The following DPP10 variants were observed in gnomAD, a reference collection of about 807,000 sequenced individuals.
DPP10 encodes dipeptidyl peptidase like 10, also known as inactive dipeptidyl peptidase 10.
A neutral mutation model predicts 120.9 loss-of-function variants in DPP10; 33 were observed. That is an observed-to-expected ratio of 0.27 (90% CI 0.21 to 0.37). The LOEUF is 0.37. DPP10 is among the 10% of genes least tolerant of loss of function. The pLI, the probability that DPP10 is intolerant of heterozygous loss-of-function variation, is 1.00. For synonymous variants in DPP10, 337 were observed against 326.1 expected, an observed-to-expected ratio of 1.03 and a Z score of -0.36; for missense variants, 816 against 942.8, an observed-to-expected ratio of 0.87 and a Z score of 1.76.
chr2:115,596,049 T>C (rs991845974), intron 5 of DPP10, among the ~76,000 whole-genome samples: 1 of 152,188 alleles, frequency 6.6e-6, no homozygotes, highest in African/African-American at 2.4e-5. Flanking sequence ...CTGCAGATAA[T>C]GCCTTACCCT....
intron 1 of DPP10, among the ~76,000 whole-genome samples, chr2:114,667,949 A>T (rs1698054653): frequency 6.6e-6 from 1 of 152,196 alleles, no homozygotes; most frequent in African/African-American, 2.4e-5. Context: ...GTATAGACTG[A>T]TTGAATGTCC....
Position 115,402,853 on chromosome 2 carries a change from AAAT to A in DPP10, c.271+58943_271+58945del, listed in dbSNP as rs1389981640. Among the ~76,000 whole-genome samples the A allele has an allele frequency of 9.4e-4, 61 of 64,912 alleles. 1 individual carries two copies. The highest frequency in any genetic ancestry group is 2.3e-3 in the African/African-American group (55 of 24,332). 42.6% of individuals were successfully genotyped at this position (64,912 alleles called of 152,430 possible). On this transcript the variant is annotated intron_variant, in intron 3 of 25. Transcript: ENST00000410059. ...AAGGACACTACAAGGAAAAAAAAAAAAATATATATATATATATATATATGTGTG... is the reference window on the plus strand; with the variant it reads ...AAGGACACTACAAGGAAAAAAAAAAAATATATATATATATATATATGTGTG...
intron 7 of DPP10, among the ~76,000 whole-genome samples, chr2:115,693,426 C>T (rs1161012601): frequency 6.6e-6 from 1 of 151,962 alleles, no homozygotes; most frequent in Non-Finnish European, 1.5e-5. Context: ...TTGGAACAAA[C>T]CAAATTCCAG....
chr2:115,112,582 C>T lies in DPP10; in HGVS notation c.61-196657C>T, dbSNP rs189752724. Among the ~76,000 whole-genome samples, 148 of 152,296 alleles carry T rather than the reference C, an allele frequency of 9.7e-4. 1 individual carries two copies. In the East Asian group the frequency reaches 0.025, roughly 26 times the overall value. On this transcript the variant is annotated intron_variant, in intron 1 of 25. Coordinates refer to ENST00000410059, the MANE Select transcript of DPP10 (RefSeq NM_020868.6). ...GATAAGAATATCTAAAATCCATCCTCTCAGCAGTTTTCAAAAATATAATAC... is the reference window on the plus strand; with the variant it reads ...GATAAGAATATCTAAAATCCATCCTTTCAGCAGTTTTCAAAAATATAATAC...
chr2:115,687,828 TC>T (rs2149491750), intron 5 of DPP10, among the ~76,000 whole-genome samples: 1 of 152,194 alleles, frequency 6.6e-6, no homozygotes, highest in South Asian at 2.1e-4. Context: ...GGTCTCAGTG[TC>T]TGCTTTGCCT....
chr2:115,446,662 T>C (rs1233718479), intron 3 of DPP10, among the ~76,000 whole-genome samples: 1 of 152,118 alleles, frequency 6.6e-6, no homozygotes, highest in Non-Finnish European at 1.5e-5. Flanking sequence ...TATTTCCATA[T>C]ATCTTCCTGA....
At chr2:114,544,003 T>C (rs1687165052) in intron 1 of DPP10, among the ~76,000 whole-genome samples, 1 of 151,844 alleles carries the variant, frequency 6.6e-6, no homozygotes. Context: ...CCATTCTAGA[T>C]GTTAGGTATA....
rs545612720 is a variant in DPP10, at chr2:115,657,965, A to T, written c.442-31722A>T. ...AGGTACATGTTGCCCTTTTTTCAAT[A>T]TTTAAGATGTTATATGTCATATTTA... On this transcript the variant is annotated intron_variant, in intron 5 of 25. Coordinates refer to ENST00000410059, the MANE Select transcript of DPP10 (RefSeq NM_020868.6). Among the ~76,000 whole-genome samples, 210 of 151,982 alleles carry T rather than the reference A, an allele frequency of 1.4e-3. 1 individual carries two copies. The highest frequency in any genetic ancestry group is 2.2e-3 in the Non-Finnish European group (146 of 67,818).
At chr2:115,751,874 C>T (rs1448651562) in intron 10 of DPP10, among the ~76,000 whole-genome samples, 2 of 151,554 alleles carry the variant, frequency 1.3e-5, no homozygotes, top group Non-Finnish European at 2.9e-5. Context: ...TCTCGGCTCA[C>T]TGCAACCTCT....
intron 1 of DPP10, among the ~76,000 whole-genome samples, chr2:114,986,538 T>G (rs1700401663): frequency 6.6e-6 from 1 of 152,106 alleles, no homozygotes; most frequent in South Asian, 2.1e-4. Context: ...TTCAAGAGGG[T>G]GATCATGATT....
In DPP10 at chr2:115,217,134, A is replaced by T. The variant is rs75710505; in HGVS notation, c.61-92105A>T. ...TTGTTTTCACCAGAGTTTTACCAAG[A>T]CACTTCATAATTAGGAGTAAGGAAT... On this transcript the variant is annotated intron_variant, in intron 1 of 25. Transcript: ENST00000410059. Among the ~76,000 whole-genome samples, 654 of 152,268 alleles carry T rather than the reference A, an allele frequency of 4.3e-3. 5 individuals carry two copies. The highest frequency in any genetic ancestry group is 7.1e-3 in the Non-Finnish European group (484 of 68,026).
chr2:115,738,367 G>GGGGT (rs1676849132), intron 8 of DPP10, among the ~76,000 whole-genome samples: 1 of 151,918 alleles, frequency 6.6e-6, no homozygotes, highest in South Asian at 2.1e-4. Context: ...TACTATCTGT[G>GGGGT]GGGTGTCAGA....
chr2:115,768,463 A>G (rs1681068053), intron 13 of DPP10, 59 bp downstream of exon 13: 1 of 1,479,860 alleles, frequency 6.8e-7, no homozygotes, highest in Admixed American at 1.8e-5. Flanking sequence ...CCGAAGGCCC[A>G]GTTCTTGTGG....
chr2:115,091,101 A>G (rs1030986329), intron 1 of DPP10, among the ~76,000 whole-genome samples: 1 of 152,150 alleles, frequency 6.6e-6, no homozygotes, highest in Non-Finnish European at 1.5e-5. Flanking sequence ...AGAGATGGCC[A>G]TTGCTTTCCC....
intron 1 of DPP10, chr2:114,828,681 G>C (rs1226296899): frequency 6.6e-6 from 1 of 152,154 alleles, no homozygotes; most frequent in African/African-American, 2.4e-5. Flanking sequence ...TGCACCAGAA[G>C]GTTCAAGAGT....
At chr2:114,474,734 C>T (rs1680229926) in intron 1 of DPP10, among the ~76,000 whole-genome samples, 1 of 152,174 alleles carries the variant, frequency 6.6e-6, no homozygotes, top group Non-Finnish European at 1.5e-5. Flanking sequence ...CAACTTTGAC[C>T]TTGGGGGAGA....
At chr2:114,897,707 C>A (rs576114281) in intron 1 of DPP10, among the ~76,000 whole-genome samples, 2 of 152,226 alleles carry the variant, frequency 1.3e-5, no homozygotes, top group South Asian at 4.2e-4. Flanking sequence ...AGACACTTCT[C>A]AAAAGAAGAC....
intron 1 of DPP10, among the ~76,000 whole-genome samples, chr2:114,551,896 T>C (rs991529024): frequency 6.6e-6 from 1 of 152,178 alleles, no homozygotes; most frequent in Non-Finnish European, 1.5e-5. Context: ...AAATAAAACA[T>C]AAATTTTCCA....
At chr2:114,753,725 C>T (rs576035467) in intron 1 of DPP10, among the ~76,000 whole-genome samples, 26 of 151,842 alleles carry the variant, frequency 1.7e-4, no homozygotes, top group African/African-American at 4.6e-4. Context: ...CTGGCTAACA[C>T]GGTGAAACCC....
Sources: allele counts gnomAD v4.1 joint callset (sites outside exome capture counted in the v4.1 genomes callset), GRCh38; gene constraint gnomAD v4.1.1; transcripts MANE v1.5; gene names NCBI Gene and HGNC (gene_info 2026-07-23, HGNC 2026-07-21).